The following KCNMA1 variants were observed in gnomAD, a reference collection of about 807,000 sequenced individuals.
KCNMA1 encodes the protein potassium calcium-activated channel subfamily M alpha 1.
In KCNMA1, 29 loss-of-function variants were observed where a neutral mutation model predicts 140.0. That is an observed-to-expected ratio of 0.21 (90% CI 0.15 to 0.28). The LOEUF is 0.28. KCNMA1 is among the 10% of genes least tolerant of loss of function. The pLI is 1.00. For synonymous variants in KCNMA1, 612 were observed against 611.9 expected, an observed-to-expected ratio of 1.00 and a Z score of 0.00; for missense variants, 880 against 1,602.2, an observed-to-expected ratio of 0.55 and a Z score of 7.70.
rs79406836 is a variant in KCNMA1, at chr10:77,591,371, C to T, written c.378+45894G>A. On this transcript the variant is annotated intron_variant, in intron 1 of 27. Transcript: ENST00000286628. ...ATCCTACCCTACTCAAGCCTGACCA[C>T]CTCCTCCAGGAAGCCCTCCTGGCTC... Among the ~76,000 whole-genome samples the T allele has an allele frequency of 9.0e-3, 1,365 of 152,304 alleles. 13 individuals carry two copies. The highest frequency in any genetic ancestry group is 0.051 in the East Asian group (266 of 5,178).
intron 14 of KCNMA1, among the ~76,000 whole-genome samples, chr10:77,041,675 C>A (rs1415632229): frequency 3.3e-5 from 5 of 152,198 alleles, no homozygotes; most frequent in Non-Finnish European, 7.3e-5. Flanking sequence ...GCTTAGGGAT[C>A]TCACAGGCCT....
At chr10:77,590,236 C>T (rs926758161) in intron 1 of KCNMA1, among the ~76,000 whole-genome samples, 3 of 152,264 alleles carry the variant, frequency 2.0e-5, no homozygotes, top group African/African-American at 7.2e-5. Context: ...GATCCCGCAC[C>T]GGGGCCGCAG....
rs559360678 is a variant in KCNMA1 at position 77,115,258 on chromosome 10, A to C, written c.885-2816T>G. 5.9e-5 allele frequency among the ~76,000 whole-genome samples: 9 copies of C among 152,320 alleles called. No homozygotes were observed. The South Asian group carries it at 8.3e-4, about 14-fold the overall frequency. ...GGAACAACTTTCTTCTGGCTCGAAA[A>C]CTTGGAAAAACAGCCAAAATGTCCA... is the stretch of plus-strand genomic sequence containing the variant. On this transcript the variant is annotated intron_variant, in intron 6 of 27. Transcript: ENST00000286628.
intron 2 of KCNMA1, among the ~76,000 whole-genome samples, chr10:77,374,983 T>C (rs1312684184): frequency 6.6e-6 from 1 of 152,316 alleles, no homozygotes; most frequent in African/African-American, 2.4e-5. Flanking sequence ...ACAACTTCCT[T>C]GCCTTTTGGG....
At position 76,995,317 on chromosome 10, in the gene KCNMA1, C is replaced by G. The variant is rs559523120; in HGVS notation, c.2266+6090G>C. 46 of 225,028 alleles carry G rather than the reference C, an allele frequency of 2.0e-4. No individual in the cohort carries two copies. In the South Asian group the frequency reaches 2.8e-3, roughly 14 times the overall value. The allele number at this position is 225,028 out of a possible 1,614,324, so 13.9% of individuals were successfully genotyped here. The stretch of plus-strand genomic sequence containing the variant: ...TAAAATTGATAAAAATTTAATAACT[C>G]TTTGTTAATAAGTTATGTCTCCCCA... On this transcript the variant is annotated intron_variant, in intron 19 of 27. Coordinates refer to ENST00000286628, the MANE Select transcript of KCNMA1 (RefSeq NM_001161352.2).
chr10:76,986,943 T>G (rs1436322467), intron 19 of KCNMA1, among the ~76,000 whole-genome samples: 1 of 152,194 alleles, frequency 6.6e-6, no homozygotes, highest in Non-Finnish European at 1.5e-5. Context: ...GAGATCAATC[T>G]ATTCAAGAGT....
intron 25 of KCNMA1, among the ~76,000 whole-genome samples, chr10:76,894,548 A>G (rs2041667530): frequency 6.6e-6 from 1 of 152,224 alleles, no homozygotes; most frequent in Non-Finnish European, 1.5e-5. Flanking sequence ...AAAACAACCT[A>G]CAAAATGAGA....
At chr10:77,152,206 G>A (rs1354527998) in intron 5 of KCNMA1, among the ~76,000 whole-genome samples, 2 of 151,756 alleles carry the variant, frequency 1.3e-5, no homozygotes, top group Non-Finnish European at 2.9e-5. Flanking sequence ...TTAAGTCCTG[G>A]TTCTACCATG....
At chr10:77,198,594 T>TATATATA (rs1565161143) in intron 3 of KCNMA1, among the ~76,000 whole-genome samples, 3 of 147,020 alleles carry the variant, frequency 2.0e-5, no homozygotes, top group African/African-American at 2.5e-5. Flanking sequence ...TATATATATA[T>TATATATA]TTCTTAACAT....
intron 5 of KCNMA1, among the ~76,000 whole-genome samples, chr10:77,151,135 T>C (rs1180052844): frequency 3.3e-5 from 5 of 151,304 alleles, no homozygotes; most frequent in African/African-American, 4.9e-5. Context: ...TTCCTTCCTT[T>C]CTTTCTTCTT....
chr10:76,894,854 TCTCA>T (rs1383574289), intron 25 of KCNMA1, among the ~76,000 whole-genome samples: 1 of 152,170 alleles, frequency 6.6e-6, no homozygotes, highest in Non-Finnish European at 1.5e-5. Flanking sequence ...AAACTGGAAC[TCTCA>T]CACACTGCTG....
Position 77,464,971 on chromosome 10 carries a change from C to T in KCNMA1, c.379-60948G>A, listed in dbSNP as rs1001081191. On this transcript the variant is annotated intron_variant, in intron 1 of 27. Transcript: ENST00000286628. Reference sequence around the variant, plus strand: ...ATTACCTGCCTTCTGCACAGGACGACGGCCGTGTATAAATCAACTTGGGTA... The same window carrying T: ...ATTACCTGCCTTCTGCACAGGACGATGGCCGTGTATAAATCAACTTGGGTA... Among the ~76,000 whole-genome samples the T allele has an allele frequency of 7.9e-5, 12 of 152,168 alleles. No homozygotes were observed. The South Asian group carries it at 8.3e-4, about 11-fold the overall frequency.
intron 2 of KCNMA1, among the ~76,000 whole-genome samples, chr10:77,401,394 A>T (rs1214416888): frequency 6.6e-6 from 1 of 152,102 alleles, no homozygotes; most frequent in Non-Finnish European, 1.5e-5. Flanking sequence ...GGACCTCGTG[A>T]TCCACCCACC....
At chr10:77,584,950 A>C (rs1221234046) in intron 1 of KCNMA1, among the ~76,000 whole-genome samples, 2 of 152,038 alleles carry the variant, frequency 1.3e-5, no homozygotes, top group Non-Finnish European at 2.9e-5. Flanking sequence ...TGGAGCATGC[A>C]CTCCCTGCAC....
At position 76,886,415 on chromosome 10, in the gene KCNMA1, C is replaced by A. The variant is rs926629155; in HGVS notation, c.*851G>T. On this transcript the variant is annotated 3_prime_UTR_variant, in exon 28 of 28. Transcript: ENST00000286628. Reference sequence around the variant, plus strand: ...ATTTATGATACATATGGCTTTTCATCCCAAATGTCAAAAGTGAAAGAAAAA... The same window carrying A: ...ATTTATGATACATATGGCTTTTCATACCAAATGTCAAAAGTGAAAGAAAAA... 5 of 985,010 alleles carry A rather than the reference C, an allele frequency of 5.1e-6. No individual in the cohort carries two copies. The Admixed American group carries it at 3.1e-4, about 61-fold the overall frequency. The allele number at this position is 985,010 out of a possible 1,614,324, so 61.0% of individuals were successfully genotyped here.
At chr10:77,179,907 G>A (rs2098789251) in intron 5 of KCNMA1, among the ~76,000 whole-genome samples, 1 of 152,210 alleles carries the variant, frequency 6.6e-6, no homozygotes, top group African/African-American at 2.4e-5. Context: ...GTGTCTCTAT[G>A]AGTACACCGT....
At chr10:77,366,797 T>C (rs1327413286) in intron 2 of KCNMA1, among the ~76,000 whole-genome samples, 1 of 152,232 alleles carries the variant, frequency 6.6e-6, no homozygotes, top group Non-Finnish European at 1.5e-5. Flanking sequence ...GGAAGCTGTT[T>C]TCCTTCCCTG....
At chr10:77,560,118 G>C (rs1396236192) in intron 1 of KCNMA1, among the ~76,000 whole-genome samples, 1 of 152,146 alleles carries the variant, frequency 6.6e-6, no homozygotes, top group Non-Finnish European at 1.5e-5. Flanking sequence ...TGGAGGTGGA[G>C]GCTGCAGTGA....
At chr10:77,111,282 G>A (rs1240215685) in intron 7 of KCNMA1, among the ~76,000 whole-genome samples, 1 of 152,188 alleles carries the variant, frequency 6.6e-6, no homozygotes, top group Non-Finnish European at 1.5e-5. Flanking sequence ...GTAGACGGTG[G>A]CCCCCAGGCC....
Sources: gnomAD v4.1 joint callset for allele counts (sites outside exome capture counted in the v4.1 genomes callset) on GRCh38, gnomAD v4.1.1 for gene constraint, MANE v1.5 for transcripts, NCBI Gene and HGNC (gene_info 2026-07-23, HGNC 2026-07-21) for gene names.